Variants in TRIP10 observed in about 807,000 individuals in gnomAD.
TRIP10 encodes the protein thyroid hormone receptor interactor 10, also known as cdc42-interacting protein 4.
A neutral mutation model predicts 80.9 loss-of-function variants in TRIP10; 54 were observed. The ratio of observed to expected loss-of-function variants is 0.67; its 90% confidence interval spans 0.54 to 0.84. The LOEUF (loss-of-function observed/expected upper bound fraction) is 0.84, where lower values mean the gene tolerates loss of function less well. Among genes scored for constraint, TRIP10 ranks in the 40% least tolerant of loss-of-function variants. The pLI is 0.00. For synonymous variants in TRIP10, 321 were observed against 307.2 expected, an observed-to-expected ratio of 1.04 and a Z score of -0.47; for missense variants, 773 against 815.3, an observed-to-expected ratio of 0.95 and a Z score of 0.63.
chr19:6,741,632 T>C (rs1314466731), intron 3 of TRIP10, among the ~76,000 whole-genome samples: 1 of 152,202 alleles, frequency 6.6e-6, no homozygotes, highest in Admixed American at 6.5e-5. Flanking sequence ...TCCAGCTTTG[T>C]AGGGCTTTCA....
rs773908513 is a variant in TRIP10, at chr19:6,739,779, G to A, written c.18G>A (p.Glu6=). ...GGAGCAGCATGGATTGGGGCACTGA[G>A]CTGTGGGTAAGTCCAATCGGCCCGC... MDWGT[E]LWDQFEVLER... Residue 6 remains glutamate, a synonymous_variant, in exon 1 of 15, where the codon GAG becomes GAA. Transcript: ENST00000313244. The A allele has an allele frequency of 2.0e-6, 3 of 1,470,026 alleles. No homozygotes were observed. Among genetic ancestry groups the A allele is most frequent in the Non-Finnish European group, 2.7e-6 (3 of 1,104,654 alleles). The allele number at this position is 1,470,026 out of a possible 1,614,324, so 91.1% of individuals were successfully genotyped here.
intron 6 of TRIP10, 30 bp downstream of exon 6, chr19:6,743,628 C>T (rs370925937): frequency 5.6e-6 from 7 of 1,247,996 alleles, no homozygotes; most frequent in Non-Finnish European, 7.8e-6. Context: ...GGGGGGGGTG[C>T]GGGGTCTGGG....
At chr19:6,740,409 C>A (rs779350988) in intron 1 of TRIP10, among the ~76,000 whole-genome samples, 14 of 152,376 alleles carry the variant, frequency 9.2e-5, no homozygotes, top group Non-Finnish European at 1.8e-4. Flanking sequence ...CCTAGCCGGA[C>A]CTCTGACCCC....
Position 6,746,675 on chromosome 19 carries a change from C to G in TRIP10, c.1262+114C>G, listed in dbSNP as rs1486106188. 4 of 707,928 alleles carry G rather than the reference C, an allele frequency of 5.7e-6. No homozygotes were observed. Among genetic ancestry groups the G allele is most frequent in the Admixed American group, 4.0e-5 (1 of 25,134 alleles). The allele number at this position is 707,928 out of a possible 1,614,324, so 43.9% of individuals were successfully genotyped here. ...TATTTTATTATATTTTATTTTGTGA[C>G]AGGGTCTTAGTCTGTCGTCCAGGCT... is the stretch of plus-strand genomic sequence containing the variant. On this transcript the variant is annotated intron_variant, in intron 11 of 14. Transcript: ENST00000313244. The surrounding 1 kb of genome is among the most constrained non-coding windows in gnomAD (Gnocchi z 6.2).
In TRIP10 at chr19:6,751,325, A is replaced by G. The variant is rs749016096; in HGVS notation, c.*114A>G. ...CCGTGGCTTCGGCTGAGACCTGTGT[A>G]ACCTGCTGCCCCCTCCACCCCCAAC... On this transcript the variant is annotated 3_prime_UTR_variant, in exon 15 of 15. Transcript: ENST00000313244. The G allele has an allele frequency of 2.6e-6, 4 of 1,554,702 alleles. No individual in the cohort carries two copies. Among genetic ancestry groups the G allele is most frequent in the East Asian group, 2.3e-5 (1 of 42,968 alleles).
intron 11 of TRIP10, 41 bp from the exon 12 acceptor site, chr19:6,749,893 G>C: frequency 6.3e-7 from 1 of 1,587,664 alleles, no homozygotes; most frequent in South Asian, 1.1e-5. Flanking sequence ...AAACTCACAC[G>C]GAAGTATGTT....
At position 6,739,689 on chromosome 19, in the gene TRIP10, C is replaced by CG; in HGVS notation, c.-69dup. ...CGCACCGCCCTCGGCTGAGTCTCCC[C>CG]GGGGAGGGCGGCGGGCGGCGGGCGG... On this transcript the variant is annotated 5_prime_UTR_variant, in exon 1 of 15. Coordinates refer to ENST00000313244, the MANE Select transcript of TRIP10 (RefSeq NM_001288962.2). 1 of 973,278 alleles carries CG rather than the reference C, an allele frequency of 1.0e-6. No individual in the cohort carries two copies. Among genetic ancestry groups the CG allele is most frequent in the South Asian group, 4.2e-5 (1 of 23,632 alleles). The allele number at this position is 973,278 out of a possible 1,614,324, so 60.3% of individuals were successfully genotyped here. A position where few individuals can be genotyped will look rare whatever the true frequency, so the allele number is the denominator to read the frequency against.
chr19:6,750,143 G>GGGGGGGGGGGGGGGT, intron 12 of TRIP10, 77 bp downstream of exon 12: 1 of 842,268 alleles, frequency 1.2e-6, no homozygotes, highest in Non-Finnish European at 1.9e-6. Context: ...GGGGGTCGGG[G>GGGGGGGGGGGGGGGT]ACAGGGGAGG....
At position 6,741,107 on chromosome 19, in the gene TRIP10, C is replaced by G. The variant is rs1446368518; in HGVS notation, c.122C>G (p.Ala41Gly). Residue 41 changes from alanine (A) to glycine (G), a missense_variant, in exon 2 of 15, where the codon GCT becomes GGT. Coordinates refer to ENST00000313244, the MANE Select transcript of TRIP10 (RefSeq NM_001288962.2). ...AAAGAACGCACCGAAGTGGAACAGG[C>G]TTACGCCAAACAACTGCGGTGAGAC... The part of the protein sequence containing the change: ...FVKERTEVEQ[A>G]YAKQLRSLVK... The G allele has an allele frequency of 1.2e-6, 2 of 1,614,106 alleles. No individual in the cohort carries two copies. Among genetic ancestry groups the G allele is most frequent in the African/African-American group, 2.7e-5 (2 of 74,958 alleles).
chr19:6,740,628 C>A, intron 1 of TRIP10: 1 of 205,720 alleles, frequency 4.9e-6, no homozygotes, highest in South Asian at 8.8e-5. Context: ...CCCCAGTCTG[C>A]CAGGAACCCT....
In TRIP10 at chr19:6,746,171, T is replaced by C. The variant is rs1969123793; in HGVS notation, c.1127T>C (p.Phe376Ser). ...TCGGTCAAACCGAGGCTAGCATCCT[T>C]CCGCAGCCTTCGAGGCAGCCGTGGG... ...SKSVKPRLAS[F>S]RSLRGSRGTV... The change falls in exon 10 of 15, where the codon TTC (phenylalanine) becomes TCC (serine). Residue 376 changes from phenylalanine (F) to serine (S), a missense_variant. Transcript: ENST00000313244. The surrounding 1 kb of genome is among the most constrained non-coding windows in gnomAD (Gnocchi z 6.2). 6.5e-7 allele frequency: 1 copy of C among 1,542,744 alleles called. No individual in the cohort carries two copies. The highest frequency in any genetic ancestry group is 2.0e-5 in the Admixed American group (1 of 49,986).
chr19:6,746,040 ACCCCTCTCCCCCC>A lies in TRIP10; in HGVS notation c.997_1009del (p.Pro333TrpfsTer26). The A allele has an allele frequency of 5.1e-6, 1 of 197,250 alleles. No homozygotes were observed. Among genetic ancestry groups the A allele is most frequent in the Non-Finnish European group, 6.6e-6 (1 of 150,770 alleles). The allele number at this position is 197,250 out of a possible 1,614,324, so 12.2% of individuals were successfully genotyped here. ...GCCCCCGCCGGTAGCCTCGCCCCCCACCCCTCTCCCCCCTGGGGGGCCCCGTACCCTCGGCATT... is the reference window on the plus strand; with the variant it reads ...GCCCCCGCCGGTAGCCTCGCCCCCCATGGGGGGCCCCGTACCCTCGGCATT... On this transcript the variant is annotated frameshift_variant, in exon 10 of 15. Transcript: ENST00000313244. LOFTEE classifies it high-confidence loss of function. The surrounding 1 kb of genome is among the most constrained non-coding windows in gnomAD (Gnocchi z 6.2).
rs1041094427 is a variant in TRIP10, at chr19:6,746,097, C to A, written c.1053C>A (p.Ser351=). The change falls in exon 10 of 15, where the codon TCC becomes TCA. Residue 351 remains serine (S), a synonymous_variant. Coordinates refer to ENST00000313244, the MANE Select transcript of TRIP10 (RefSeq NM_001288962.2). This position sits in a 1 kb window ranked among gnomAD's most constrained non-coding sequence, Gnocchi z 6.2. ...CGGCATTGCCTAACGGACCCCCGTC[C>A]CCCCGCTCCGGCCGTGACCCCTTGG... The part of the protein sequence containing the change: ...VPSALPNGPP[S]PRSGRDPLAI... The A allele has an allele frequency of 3.2e-6, 5 of 1,544,690 alleles. No homozygotes were observed. The highest frequency in any genetic ancestry group is 3.5e-6 in the Non-Finnish European group (4 of 1,144,712).
chr19:6,747,598 G>C (rs1338947773), intron 11 of TRIP10, among the ~76,000 whole-genome samples: 1 of 152,000 alleles, frequency 6.6e-6, no homozygotes, highest in Admixed American at 6.6e-5. Context: ...TTCGAGACCA[G>C]CCTGACCAAC....
In TRIP10 at chr19:6,745,623, T is replaced by C; in HGVS notation, c.985-406T>C. The C allele has an allele frequency of 1.0e-6, 1 of 985,288 alleles. No individual in the cohort carries two copies. Among genetic ancestry groups the C allele is most frequent in the Non-Finnish European group, 1.2e-6 (1 of 829,898 alleles). The allele number at this position is 985,288 out of a possible 1,614,324, so 61.0% of individuals were successfully genotyped here. A position where few individuals can be genotyped will look rare whatever the true frequency, so the allele number is the denominator to read the frequency against. ...CCTGTCTGAGACCTTGATTCCTGCA[T>C]GCGTCTTCTAGACTGTCAGCCCAGA... On this transcript the variant is annotated intron_variant, in intron 9 of 14. Coordinates refer to ENST00000313244, the MANE Select transcript of TRIP10 (RefSeq NM_001288962.2). The surrounding 1 kb of genome is among the most constrained non-coding windows in gnomAD (Gnocchi z 7.2).
rs775602467 is a variant in TRIP10 at position 6,742,993 on chromosome 19, A to T, written c.224A>T (p.Gln75Leu). 5 of 1,614,176 alleles carry T rather than the reference A, an allele frequency of 3.1e-6. No individual in the cohort carries two copies. The highest frequency in any genetic ancestry group is 4.2e-6 in the Non-Finnish European group (5 of 1,180,032). The change falls in exon 4 of 15, where the codon CAG becomes CTG. Residue 75 changes from glutamine (Q) to leucine (L), a missense_variant. Coordinates refer to ENST00000313244, the MANE Select transcript of TRIP10 (RefSeq NM_001288962.2). The stretch of plus-strand genomic sequence containing the variant: ...TTCAGCCAGCAACAGTCCTTCGTAC[A>T]GATTCTCCAGGAGGTGAATGACTTT... ...SKFSQQQSFV[Q>L]ILQEVNDFAG...
At chr19:6,740,741 C>T (rs761129089) in intron 1 of TRIP10, 5 of 468,944 alleles carry the variant, frequency 1.1e-5, no homozygotes, top group Non-Finnish European at 1.9e-5. Flanking sequence ...CTTCCACGCC[C>T]CTCTTGGCGG....
chr19:6,748,872 C>T (rs1599567886), intron 11 of TRIP10: 1 of 152,108 alleles, frequency 6.6e-6, no homozygotes, highest in African/African-American at 2.4e-5. Flanking sequence ...TCGTGACTAC[C>T]TGTATATATA....
chr19:6,740,803 C>A (rs1204629555), intron 1 of TRIP10: 3 of 563,656 alleles, frequency 5.3e-6, no homozygotes, highest in African/African-American at 1.9e-5. Flanking sequence ...GGCCTGGGCG[C>A]TGTTCTCCGG....
Sources: allele counts gnomAD v4.1 joint callset (sites outside exome capture counted in the v4.1 genomes callset), GRCh38; gene constraint gnomAD v4.1.1; non-coding constraint Gnocchi (gnomAD v3.1); transcripts MANE v1.5; gene names NCBI Gene and HGNC (gene_info 2026-07-23, HGNC 2026-07-21).